The following STARD13 variants were observed in gnomAD, a reference collection of about 807,000 sequenced individuals.
The protein encoded by STARD13 is StAR related lipid transfer domain containing 13.
STARD13 carries 62 observed loss-of-function variants against 106.4 expected under a neutral mutation model. The observed-to-expected ratio is 0.58, with a 90% confidence interval of 0.48 to 0.72. The LOEUF is 0.72. Ranked by LOEUF, STARD13 falls within the 30% of genes least tolerant of loss-of-function variation. STARD13 has a pLI of 0.00. For missense variants in STARD13, 1,387 were observed against 1,424.0 expected (o/e 0.97, Z 0.42); for synonymous variants, 565 against 553.0 (o/e 1.02, Z -0.31).
At chr13:33,410,253 C>A in the STARD13 span, among the ~76,000 whole-genome samples, 1 of 152,204 alleles carries the variant, frequency 6.6e-6, no homozygotes, top group East Asian at 1.9e-4. Context: ...GATAATCTGC[C>A]ACCAGCATTT....
the STARD13 span, among the ~76,000 whole-genome samples, chr13:33,589,076 A>G: frequency 1.3e-5 from 2 of 152,208 alleles, no homozygotes; most frequent in Admixed American, 1.3e-4. Context: ...ACACATTAGT[A>G]TCATCATATA....
intron 1 of STARD13, chr13:33,185,880 C>T (rs374464469): frequency 2.6e-5 from 42 of 1,614,062 alleles, no homozygotes; most frequent in South Asian, 5.5e-5. Context: ...GCACTTACCC[C>T]GGCGCTGGAA....
chr13:33,652,489 C>A, the STARD13 span, among the ~76,000 whole-genome samples: 1 of 152,216 alleles, frequency 6.6e-6, no homozygotes, highest in Non-Finnish European at 1.5e-5. Context: ...TTTCCCCATA[C>A]ATTTTATTCA....
chr13:33,269,309 T>C (rs1247513547), intron 1 of STARD13, among the ~76,000 whole-genome samples: 1 of 152,202 alleles, frequency 6.6e-6, no homozygotes, highest in African/African-American at 2.4e-5. Context: ...AAGGAATATG[T>C]TTATACAGTG....
chr13:33,528,261 T>TATATATAC, the STARD13 span, among the ~76,000 whole-genome samples: 1 of 128,280 alleles, frequency 7.8e-6, no homozygotes, highest in African/African-American at 3.5e-5. Flanking sequence ...TATATACATA[T>TATATATAC]ATATATATAT....
the STARD13 span, among the ~76,000 whole-genome samples, chr13:33,560,840 A>C: frequency 3.2e-3 from 489 of 151,742 alleles, 25 homozygotes; most frequent in African/African-American, 0.012. Flanking sequence ...CCCTTCAAAT[A>C]ATGCCTCACA....
the STARD13 span, among the ~76,000 whole-genome samples, chr13:33,416,755 G>T: frequency 6.6e-6 from 1 of 152,048 alleles, no homozygotes; most frequent in Non-Finnish European, 1.5e-5. Flanking sequence ...GAAAACAAAG[G>T]AATAAATATC....
At chr13:33,510,603 GCTCT>G in the STARD13 span, among the ~76,000 whole-genome samples, 1 of 152,026 alleles carries the variant, frequency 6.6e-6, no homozygotes, top group East Asian at 1.9e-4. Flanking sequence ...GACAATAAAA[GCTCT>G]CCCTGGGTCT....
intron 8 of STARD13, chr13:33,117,736 AC>A: frequency 1.1e-6 from 1 of 904,612 alleles, no homozygotes; most frequent in Middle Eastern, 5.7e-4. Flanking sequence ...TTTAATAAAT[AC>A]CTATATATAA....
the STARD13 span, among the ~76,000 whole-genome samples, chr13:33,496,947 T>G: frequency 6.6e-6 from 1 of 152,148 alleles, no homozygotes; most frequent in Non-Finnish European, 1.5e-5. Context: ...AAGTACCGTT[T>G]TTCTCAACTG....
the STARD13 span, among the ~76,000 whole-genome samples, chr13:33,634,812 G>A: frequency 6.6e-6 from 1 of 152,168 alleles, no homozygotes; most frequent in Non-Finnish European, 1.5e-5. Context: ...CTGGCCTCCA[G>A]GGAAAGTGGT....
intron 1 of STARD13, among the ~76,000 whole-genome samples, chr13:33,193,717 G>T (rs987663107): frequency 6.6e-6 from 1 of 152,162 alleles, no homozygotes; most frequent in African/African-American, 2.4e-5. Flanking sequence ...TGTTGGCTGT[G>T]ACATGGTATT....
At chr13:33,637,162 C>T in the STARD13 span, among the ~76,000 whole-genome samples, 3 of 152,172 alleles carry the variant, frequency 2.0e-5, no homozygotes, top group Non-Finnish European at 2.9e-5. Context: ...AGAGGGGTCA[C>T]TGAGACACAG....
chr13:33,661,938 A>G, the STARD13 span, among the ~76,000 whole-genome samples: 1 of 152,078 alleles, frequency 6.6e-6, no homozygotes, highest in Non-Finnish European at 1.5e-5. Context: ...ATTCTAATAT[A>G]CATATAGGTT....
the STARD13 span, among the ~76,000 whole-genome samples, chr13:33,419,006 G>A: frequency 1.5e-4 from 23 of 152,172 alleles, no homozygotes; most frequent in Non-Finnish European, 2.4e-4. Context: ...CAAAGATGGG[G>A]AGAAACCAGA....
the STARD13 span, among the ~76,000 whole-genome samples, chr13:33,461,776 C>A: frequency 6.6e-6 from 1 of 151,928 alleles, no homozygotes; most frequent in African/African-American, 2.4e-5. Context: ...TCATGATCTG[C>A]ATATTTATGC....
the STARD13 span, among the ~76,000 whole-genome samples, chr13:33,414,903 A>G: frequency 6.6e-6 from 1 of 152,210 alleles, no homozygotes; most frequent in Non-Finnish European, 1.5e-5. Context: ...TCAAGAGCAA[A>G]CAACAAAGCA....
At chr13:33,281,392 T>G (rs1173017269) in intron 1 of STARD13, 2 of 150,030 alleles carry the variant, frequency 1.3e-5, no homozygotes, top group East Asian at 3.9e-4. Flanking sequence ...TACTTACATT[T>G]GGGTTTTCCA....
intron 1 of STARD13, among the ~76,000 whole-genome samples, chr13:33,263,457 T>G (rs878682): frequency 0.23 from 35,580 of 152,108 alleles, 4,615 homozygotes; most frequent in African/African-American, 0.32. Flanking sequence ...AGAGAACTTT[T>G]GGTGGAAAAC....
Sources: allele counts gnomAD v4.1 joint callset (sites outside exome capture counted in the v4.1 genomes callset), GRCh38; gene constraint gnomAD v4.1.1; transcripts MANE v1.5; gene names NCBI Gene and HGNC (gene_info 2026-07-23, HGNC 2026-07-21).